The following SAMD3 variants were observed in gnomAD, a reference collection of about 807,000 sequenced individuals.
SAMD3 encodes sterile alpha motif domain containing 3, also known as sterile alpha motif domain-containing protein 3.
In SAMD3, 63 loss-of-function variants were observed where a neutral mutation model predicts 58.5. That is an observed-to-expected ratio of 1.08 (90% CI 0.88 to 1.33). The LOEUF (loss-of-function observed/expected upper bound fraction) is 1.33. Ranked by LOEUF, SAMD3 falls within the 40% of genes most tolerant of loss-of-function variation. SAMD3 has a pLI of 0.00. For missense variants in SAMD3, 604 were observed against 608.4 expected (o/e 0.99, Z 0.08); for synonymous variants, 220 against 210.3 (o/e 1.05, Z -0.40).
intron 2 of SAMD3, among the ~76,000 whole-genome samples, chr6:130,229,931 A>G (rs1344361272): frequency 6.6e-6 from 1 of 152,216 alleles, no homozygotes; most frequent in Non-Finnish European, 1.5e-5. Flanking sequence ...AGACTCTGAA[A>G]TATAGGTAAG....
chr6:130,261,091 T>C (rs1283171979), intron 2 of SAMD3, among the ~76,000 whole-genome samples: 1 of 151,816 alleles, frequency 6.6e-6, no homozygotes, highest in Non-Finnish European at 1.5e-5. Context: ...CACTTTGGTT[T>C]TGGTTTTGGT....
intron 2 of SAMD3, among the ~76,000 whole-genome samples, chr6:130,288,207 A>G (rs550029501): frequency 4.3e-4 from 66 of 152,294 alleles, no homozygotes; most frequent in African/African-American, 1.5e-3. Context: ...AAAGAGATTG[A>G]TTTTAAGGAG....
chr6:130,283,530 C>CA, intron 2 of SAMD3, among the ~76,000 whole-genome samples: 1 of 152,022 alleles, frequency 6.6e-6, no homozygotes, highest in South Asian at 2.1e-4. Flanking sequence ...TAAAAAGAAA[C>CA]AAAAATTATG....
intron 8 of SAMD3, among the ~76,000 whole-genome samples, chr6:130,168,893 C>T (rs890052621): frequency 3.3e-5 from 5 of 152,244 alleles, no homozygotes; most frequent in Admixed American, 2.0e-4. Context: ...GTCTCAACCT[C>T]CCTGGCTCAA....
chr6:130,349,448 A>G (rs1777577001), intron 1 of SAMD3, among the ~76,000 whole-genome samples: 1 of 152,202 alleles, frequency 6.6e-6, no homozygotes, highest in East Asian at 1.9e-4. Flanking sequence ...TACTATAAAG[A>G]CCTCTATGCA....
chr6:130,365,628 C>A (rs1778116403), upstream of SAMD3: 1 of 985,360 alleles, frequency 1.0e-6, no homozygotes. Context: ...GCTCGGTAAC[C>A]GGTGGTCCCG....
intron 5 of SAMD3, among the ~76,000 whole-genome samples, chr6:130,194,843 C>CCTG (rs1562428599): frequency 1.3e-5 from 2 of 152,184 alleles, no homozygotes; most frequent in Non-Finnish European, 1.5e-5. Flanking sequence ...CCTTGGAAGC[C>CCTG]TACAGGACCA....
At chr6:130,351,518 C>A (rs550760782) in intron 1 of SAMD3, among the ~76,000 whole-genome samples, 1 of 152,144 alleles carries the variant, frequency 6.6e-6, no homozygotes. Flanking sequence ...AGATCAAAAC[C>A]ACAATGAGAT....
intron 8 of SAMD3, among the ~76,000 whole-genome samples, chr6:130,173,666 A>T (rs1254625410): frequency 2.6e-5 from 4 of 152,188 alleles, no homozygotes; most frequent in Non-Finnish European, 5.9e-5. Flanking sequence ...TCAGGGACCC[A>T]CTTGAGGAGG....
chr6:130,286,317 G>A (rs984864429), intron 2 of SAMD3: 1 of 152,474 alleles, frequency 6.6e-6, no homozygotes, highest in Non-Finnish European at 1.5e-5. Flanking sequence ...GAGAGGCAGT[G>A]TAGCAAGGGA....
At chr6:130,237,927 A>G (rs1773222624) in intron 2 of SAMD3, among the ~76,000 whole-genome samples, 2 of 152,192 alleles carry the variant, frequency 1.3e-5, no homozygotes, top group Admixed American at 1.3e-4. Context: ...TTTCAATTCC[A>G]AGTCTAGGAA....
chr6:130,310,828 G>T (rs1256585634), intron 2 of SAMD3, among the ~76,000 whole-genome samples: 1 of 152,050 alleles, frequency 6.6e-6, no homozygotes, highest in Non-Finnish European at 1.5e-5. Flanking sequence ...TAATTTTTTC[G>T]ACTGCAGAGA....
At chr6:130,320,589 A>C (rs546536016) in intron 1 of SAMD3, among the ~76,000 whole-genome samples, 1 of 152,222 alleles carries the variant, frequency 6.6e-6, no homozygotes, top group Non-Finnish European at 1.5e-5. Flanking sequence ...GTTTATAGCA[A>C]CTTTGTTTGT....
rs551494284 is a variant in SAMD3, at chr6:130,273,678, G to T, written c.-188+39300C>A. 9.6e-4 allele frequency among the ~76,000 whole-genome samples: 145 copies of T among 150,768 alleles called. 1 individual carries two copies. The highest frequency in any genetic ancestry group is 1.6e-3 in the African/African-American group (65 of 41,078). On this transcript the variant is annotated intron_variant, in intron 2 of 13. Coordinates refer to the SAMD3 transcript ENST00000368134. ...ATCTTCTGTATGTATTTTTGTGTGT[G>T]GTTACCATAAGGCATATGTAAAATA...
intron 2 of SAMD3, among the ~76,000 whole-genome samples, chr6:130,289,330 A>G (rs978587794): frequency 1.2e-4 from 18 of 152,046 alleles, no homozygotes; most frequent in African/African-American, 3.1e-4. Flanking sequence ...TCTTGATTCT[A>G]TTTTCCACAT....
intron 9 of SAMD3, among the ~76,000 whole-genome samples, chr6:130,151,697 T>C (rs1226453403): frequency 6.6e-6 from 1 of 152,210 alleles, no homozygotes; most frequent in African/African-American, 2.4e-5. Context: ...CGCCTCGGCC[T>C]CCCAAAGTGC....
intron 1 of SAMD3, among the ~76,000 whole-genome samples, chr6:130,338,402 G>C (rs1259678722): frequency 6.6e-6 from 1 of 152,226 alleles, no homozygotes; most frequent in Non-Finnish European, 1.5e-5. Context: ...GGAAATGTGG[G>C]GTTGTAGCCC....
At chr6:130,292,271 C>CT (rs397885432) in intron 2 of SAMD3, among the ~76,000 whole-genome samples, 4,383 of 113,894 alleles carry the variant, frequency 0.038, 226 homozygotes, top group African/African-American at 0.1. Flanking sequence ...TTCTTTCTTT[C>CT]TTTTTTTTTT....
chr6:130,344,463 C>A (rs1777379433), intron 1 of SAMD3, among the ~76,000 whole-genome samples: 1 of 152,178 alleles, frequency 6.6e-6, no homozygotes, highest in South Asian at 2.1e-4. Flanking sequence ...CTCACTGCAA[C>A]CTCCGCCTCC....
Sources: gnomAD v4.1 joint callset for allele counts (sites outside exome capture counted in the v4.1 genomes callset) on GRCh38, gnomAD v4.1.1 for gene constraint, MANE v1.5 for transcripts, NCBI Gene and HGNC (gene_info 2026-07-23, HGNC 2026-07-21) for gene names.